The following CFHR1 variants were observed in gnomAD, a reference collection of about 807,000 sequenced individuals.
CFHR1 encodes the protein complement factor H related 1.
A neutral mutation model predicts 30.4 loss-of-function variants in CFHR1; 22 were observed. The ratio of observed to expected loss-of-function variants is 0.72; its 90% CI spans 0.52 to 1.03. CFHR1 has a LOEUF of 1.03. Ranked by LOEUF, CFHR1 falls within the 50% of genes least tolerant of loss-of-function variation. CFHR1 has a pLI of 0.00. For synonymous variants in CFHR1, 95 were observed against 129.1 expected (o/e 0.74, Z 1.79); for missense variants, 248 against 380.6 (o/e 0.65, Z 2.90).
chr1:196,825,375 A>G, intron 1 of CFHR1, 102 bp from the exon 2 acceptor site: 1 of 930,980 alleles, frequency 1.1e-6, no homozygotes, highest in Non-Finnish European at 1.5e-6. Context: ...CATTTAAGCT[A>G]AATGAAAGAA....
At chr1:196,820,530 G>T (rs562122214) in intron 1 of CFHR1, among the ~76,000 whole-genome samples, 1 of 119,528 alleles carries the variant, frequency 8.4e-6, no homozygotes, top group Non-Finnish European at 1.7e-5. Flanking sequence ...TTTTATAAAC[G>T]GTCCCATTTT....
Position 196,823,846 on chromosome 1 carries a change from G to C in CFHR1, c.59-1631G>C, listed in dbSNP as rs1322474086. On this transcript the variant is annotated intron_variant, in intron 1 of 5. Coordinates refer to ENST00000320493, the MANE Select transcript of CFHR1 (RefSeq NM_002113.3). ...CCCCAACATAAACTATGAACTTTGGGTGGTAATTATATTGACAGTGAGGGA... is the reference window on the plus strand; with the variant it reads ...CCCCAACATAAACTATGAACTTTGGCTGGTAATTATATTGACAGTGAGGGA... 1.5e-5 allele frequency among the ~76,000 whole-genome samples: 2 copies of C among 134,162 alleles called. 1 individual carries two copies. Among genetic ancestry groups the C allele is most frequent in the African/African-American group, 6.4e-5 (2 of 31,216 alleles). 88.0% of individuals were successfully genotyped at this position (134,162 alleles called of 152,430 possible).
rs1189332553 is a variant in CFHR1, at chr1:196,831,669, A to C, written c.791-128A>C. The C allele has an allele frequency of 2.0e-5, 25 of 1,224,348 alleles. 5 individuals are homozygous for C. In the African/African-American group the frequency reaches 4.2e-4, roughly 21 times the overall value. The allele number at this position is 1,224,348 out of a possible 1,614,324, so 75.8% of individuals were successfully genotyped here. On this transcript the variant is annotated intron_variant, in intron 5 of 5. Transcript: ENST00000320493. ...TTAAATCAATATGATGTTTTTACAT[A>C]GTCGGTTTGGACAGTGTTTTGAGAA...
In CFHR1 at chr1:196,828,068, A is replaced by G. The variant is rs111851524; in HGVS notation, c.431-2A>G. 1.3e-4 allele frequency: 202 copies of G among 1,496,310 alleles called. 43 individuals are homozygous for G. The Middle Eastern group carries it at 1.9e-3, about 14-fold the overall frequency. 92.7% of individuals were successfully genotyped at this position (1,496,310 alleles called of 1,614,324 possible). ...GGAACCACTTCTTTTTTTTCTACTC[A>G]GACACTTCCTGTGTGAATCCGCCCA... On this transcript the variant is annotated splice_acceptor_variant, in intron 3 of 5. Transcript: ENST00000320493. LOFTEE classifies it high-confidence loss of function.
Position 196,827,023 on chromosome 1 carries a change from C to A in CFHR1, c.430+18C>A. ...GTCCACTGGTAAGTACAATGCTGTT[C>A]TCTCATATGCTGTTATCTATTATAA... On this transcript the variant is annotated intron_variant, in intron 3 of 5. Coordinates refer to ENST00000320493, the MANE Select transcript of CFHR1 (RefSeq NM_002113.3). 4 of 1,511,478 alleles carry A rather than the reference C, an allele frequency of 2.6e-6. No homozygotes were observed. The highest frequency in any genetic ancestry group is 4.5e-5 in the East Asian group (2 of 44,592). The allele number at this position is 1,511,478 out of a possible 1,614,324, so 93.6% of individuals were successfully genotyped here.
chr1:196,828,537 G>A (rs1343162856), intron 4 of CFHR1, among the ~76,000 whole-genome samples: 1 of 131,852 alleles, frequency 7.6e-6, no homozygotes, highest in Non-Finnish European at 1.6e-5. Context: ...GATACATTAT[G>A]TGCATTTGAC....
At position 196,827,064 on chromosome 1, in the gene CFHR1, A is replaced by G. The variant is rs1169835875; in HGVS notation, c.430+59A>G. 4.9e-6 allele frequency: 7 copies of G among 1,437,460 alleles called. 1 individual carries two copies. The Admixed American group carries it at 1.0e-4, about 21-fold the overall frequency. The allele number at this position is 1,437,460 out of a possible 1,614,324, so 89.0% of individuals were successfully genotyped here. A position where few individuals can be genotyped will look rare whatever the true frequency, so the allele number is the denominator to read the frequency against. Reference sequence around the variant, plus strand: ...TCTATTATAAAGTTTGAGAGAAATAAATCTTTTTTACAGGTTAAATATAGG... The same window carrying G: ...TCTATTATAAAGTTTGAGAGAAATAGATCTTTTTTACAGGTTAAATATAGG... On this transcript the variant is annotated intron_variant, in intron 3 of 5. Coordinates refer to ENST00000320493, the MANE Select transcript of CFHR1 (RefSeq NM_002113.3).
intron 1 of CFHR1, chr1:196,825,174 CTG>C (rs1186172131): frequency 7.4e-6 from 2 of 272,018 alleles, no homozygotes; most frequent in Non-Finnish European, 1.3e-5. Context: ...CTCTTACACT[CTG>C]TCTTCATTCT....
At position 196,828,067 on chromosome 1, in the gene CFHR1, CAG is replaced by C; in HGVS notation, c.431-1_431del. On this transcript the variant is annotated splice_acceptor_variant, in intron 3 of 5. Coordinates refer to ENST00000320493, the MANE Select transcript of CFHR1 (RefSeq NM_002113.3). LOFTEE classifies it high-confidence loss of function. The stretch of plus-strand genomic sequence containing the variant: ...TGGAACCACTTCTTTTTTTTCTACT[CAG>C]ACACTTCCTGTGTGAATCCGCCCAC... The C allele has an allele frequency of 2.0e-6, 3 of 1,495,146 alleles. 1 individual carries two copies. Among genetic ancestry groups the C allele is most frequent in the Non-Finnish European group, 2.7e-6 (3 of 1,113,564 alleles). The allele number at this position is 1,495,146 out of a possible 1,614,324, so 92.6% of individuals were successfully genotyped here.
Position 196,823,074 on chromosome 1 carries a change from T to C in CFHR1, c.59-2403T>C, listed in dbSNP as rs1397118088. 8.0e-5 allele frequency among the ~76,000 whole-genome samples: 10 copies of C among 125,780 alleles called. 2 individuals carry two copies. The highest frequency in any genetic ancestry group is 1.6e-4 in the Non-Finnish European group (10 of 61,868). 82.5% of individuals were successfully genotyped at this position (125,780 alleles called of 152,430 possible). A position where few individuals can be genotyped will look rare whatever the true frequency, so the allele number is the denominator to read the frequency against. ...AAAATGTCATTATGTGGTGAATAAC[T>C]GTACGACTGTATATATATATATATA... On this transcript the variant is annotated intron_variant, in intron 1 of 5. Transcript: ENST00000320493.
intron 1 of CFHR1, 172 bp from the exon 2 acceptor site, chr1:196,825,305 T>A: frequency 2.2e-6 from 1 of 462,438 alleles, no homozygotes; most frequent in Non-Finnish European, 3.6e-6. Flanking sequence ...AGTCATGTAC[T>A]CCTAGTTAGT....
intron 5 of CFHR1, among the ~76,000 whole-genome samples, chr1:196,831,174 T>C (rs1332334287): frequency 7.3e-6 from 1 of 136,362 alleles, no homozygotes; most frequent in Non-Finnish European, 1.5e-5. Context: ...TTTATATTTA[T>C]ATTTTATTTT....
Position 196,822,706 on chromosome 1 carries a change from T to C in CFHR1, c.59-2771T>C, listed in dbSNP as rs1479989333. Among the ~76,000 whole-genome samples, 2 of 134,430 alleles carry C rather than the reference T, an allele frequency of 1.5e-5. 1 individual carries two copies. The highest frequency in any genetic ancestry group is 3.1e-5 in the Non-Finnish European group (2 of 64,218). The allele number at this position is 134,430 out of a possible 152,430, so 88.2% of individuals were successfully genotyped here. The stretch of plus-strand genomic sequence containing the variant: ...CAAAGGTTTCTTCTAGAATAGTTCC[T>C]GAAGGACCTGCCTCAGGAAACATTA... On this transcript the variant is annotated intron_variant, in intron 1 of 5. Coordinates refer to ENST00000320493, the MANE Select transcript of CFHR1 (RefSeq NM_002113.3).
rs765199825 is a variant in CFHR1 at position 196,823,749 on chromosome 1, A to C, written c.59-1728A>C. 4.4e-5 allele frequency among the ~76,000 whole-genome samples: 6 copies of C among 135,564 alleles called. 1 individual carries two copies. The highest frequency in any genetic ancestry group is 7.8e-5 in the Non-Finnish European group (5 of 64,400). The allele number at this position is 135,564 out of a possible 152,430, so 88.9% of individuals were successfully genotyped here. A position where few individuals can be genotyped will look rare whatever the true frequency, so the allele number is the denominator to read the frequency against. ...CAAAGAGCAGTATTATATTGAGGAA[A>C]TATCTTGAGCTAAATACGTACTCAA... On this transcript the variant is annotated intron_variant, in intron 1 of 5. Transcript: ENST00000320493.
intron 3 of CFHR1, 66 bp from the exon 4 acceptor site, chr1:196,827,998 TTGTAAC>T (rs1655395623): frequency 1.5e-6 from 2 of 1,317,544 alleles, no homozygotes; most frequent in Admixed American, 4.0e-5. Context: ...TGAAACATAT[TTGTAAC>T]TGTATTAGTT....
In CFHR1 at chr1:196,828,544, T is replaced by A. The variant is rs1289515848; in HGVS notation, c.607+298T>A. Among the ~76,000 whole-genome samples, 78 of 131,878 alleles carry A rather than the reference T, an allele frequency of 5.9e-4. 21 individuals carry two copies. Among genetic ancestry groups the A allele is most frequent in the African/African-American group, 2.3e-3 (71 of 30,234 alleles). The allele number at this position is 131,878 out of a possible 152,430, so 86.5% of individuals were successfully genotyped here. On this transcript the variant is annotated intron_variant, in intron 4 of 5. Coordinates refer to ENST00000320493, the MANE Select transcript of CFHR1 (RefSeq NM_002113.3). ...TAATAAAAGATACATTATGTGCATT[T>A]GACAGCCATAAGTGATGTGCATTCT...
At chr1:196,823,338 T>G (rs398848) in intron 1 of CFHR1, among the ~76,000 whole-genome samples, 62,782 of 132,514 alleles carry the variant, frequency 0.47, 21,085 homozygotes, top group African/African-American at 0.59. Context: ...ATATAAATGG[T>G]TGATGAAAAC....
intron 1 of CFHR1, chr1:196,825,247 C>A: frequency 2.7e-6 from 1 of 366,064 alleles, no homozygotes; most frequent in Non-Finnish European, 4.9e-6. Context: ...TATTTCATAT[C>A]ACTCCAAAAT....
Position 196,826,388 on chromosome 1 carries a change from T to C in CFHR1, c.254-441T>C, listed in dbSNP as rs1462281506. On this transcript the variant is annotated intron_variant, in intron 2 of 5. Transcript: ENST00000320493. ...TATACATATAAAAGAACCAAAAATA[T>C]GTTTCATCATATATATAGTAGCATG... is the stretch of plus-strand genomic sequence containing the variant. Among the ~76,000 whole-genome samples the C allele has an allele frequency of 2.5e-4, 34 of 135,282 alleles. 5 individuals are homozygous for C. The highest frequency in any genetic ancestry group is 8.5e-4 in the Admixed American group (12 of 14,076). 88.8% of individuals were successfully genotyped at this position (135,282 alleles called of 152,430 possible). A position where few individuals can be genotyped will look rare whatever the true frequency, so the allele number is the denominator to read the frequency against.
Sources: gnomAD v4.1 joint callset for allele counts (sites outside exome capture counted in the v4.1 genomes callset) on GRCh38, gnomAD v4.1.1 for gene constraint, MANE v1.5 for transcripts, NCBI Gene and HGNC (gene_info 2026-07-23, HGNC 2026-07-21) for gene names.